Variants in OLA1 observed in about 807,000 individuals in gnomAD.
The protein encoded by OLA1 is Obg like ATPase 1.
A neutral mutation model predicts 48.4 loss-of-function variants in OLA1; 14 were observed. The ratio of observed to expected loss-of-function variants is 0.29; its 90% confidence interval spans 0.19 to 0.45. OLA1 has a LOEUF of 0.45. Ranked by LOEUF, OLA1 falls within the 20% of genes least tolerant of loss-of-function variation. The pLI, the probability that OLA1 is intolerant of heterozygous loss-of-function variation, is 1.00. For missense variants in OLA1, 325 were observed against 467.1 expected, an observed-to-expected ratio of 0.70 and a Z score of 2.80; for synonymous variants, 127 against 150.4, an observed-to-expected ratio of 0.84 and a Z score of 1.14.
At chr2:174,223,459 T>TGC (rs1688549186) in intron 3 of OLA1, among the ~76,000 whole-genome samples, 1 of 152,180 alleles carries the variant, frequency 6.6e-6, no homozygotes, top group Non-Finnish European at 1.5e-5. Context: ...TATTGGCACA[T>TGC]GCACACACAC....
chr2:174,231,513 TG>T (rs1162139487), intron 2 of OLA1, among the ~76,000 whole-genome samples: 1 of 152,214 alleles, frequency 6.6e-6, no homozygotes, highest in African/African-American at 2.4e-5. Flanking sequence ...GCGATTACTG[TG>T]TACAGTATTT....
In OLA1 at chr2:174,109,021, A is replaced by T. The variant is rs564247599; in HGVS notation, c.728+14159T>A. Among the ~76,000 whole-genome samples the T allele has an allele frequency of 1.3e-5, 2 of 152,180 alleles. 1 individual carries two copies. Among genetic ancestry groups the T allele is most frequent in the South Asian group, 4.1e-4 (2 of 4,834 alleles). On this transcript the variant is annotated intron_variant, in intron 7 of 10. Transcript: ENST00000284719. The stretch of plus-strand genomic sequence containing the variant: ...CCATCAGAAATGGCTTAGAGTATCA[A>T]ATAATTTCTATTTGTCAGGAACTAC...
chr2:174,218,273 C>T (rs932280023), intron 4 of OLA1, among the ~76,000 whole-genome samples: 1 of 151,936 alleles, frequency 6.6e-6, no homozygotes, highest in Non-Finnish European at 1.5e-5. Flanking sequence ...AAATAAGTGA[C>T]CCTCCGATAA....
intron 4 of OLA1, among the ~76,000 whole-genome samples, chr2:174,189,079 AAGC>A (rs368340306): frequency 1.3e-4 from 20 of 152,336 alleles, no homozygotes; most frequent in African/African-American, 4.8e-4. Context: ...CATATGATAA[AAGC>A]AGCTCAAATC....
chr2:174,140,148 C>T (rs1278723061), intron 5 of OLA1, among the ~76,000 whole-genome samples: 1 of 151,954 alleles, frequency 6.6e-6, no homozygotes, highest in Non-Finnish European at 1.5e-5. Flanking sequence ...CAGGAAGAAT[C>T]AACAACATTA....
At chr2:174,222,903 GA>G (rs1688538768) in intron 4 of OLA1, 129 bp downstream of exon 4, 1 of 961,000 alleles carries the variant, frequency 1.0e-6, no homozygotes, top group South Asian at 2.0e-5. Flanking sequence ...CAGATTTACA[GA>G]CAAACCCAAG....
At chr2:174,234,246 C>T (rs1274936480) in intron 2 of OLA1, among the ~76,000 whole-genome samples, 1 of 152,180 alleles carries the variant, frequency 6.6e-6, no homozygotes, top group Non-Finnish European at 1.5e-5. Context: ...ATTATTTTCT[C>T]TAGCTTAGTT....
At chr2:174,221,962 G>A (rs1688516056) in intron 4 of OLA1, among the ~76,000 whole-genome samples, 1 of 152,072 alleles carries the variant, frequency 6.6e-6, no homozygotes, top group South Asian at 2.1e-4. Flanking sequence ...ACTTCCCAGA[G>A]GTCTCACCAT....
intron 4 of OLA1, among the ~76,000 whole-genome samples, chr2:174,212,562 T>C (rs1262585707): frequency 2.0e-5 from 3 of 152,218 alleles, no homozygotes; most frequent in Non-Finnish European, 4.4e-5. Context: ...CTTTTTACTT[T>C]ATAAACTTTT....
At chr2:174,174,757 CT>C (rs201305068) in intron 4 of OLA1, among the ~76,000 whole-genome samples, 3 of 151,512 alleles carry the variant, frequency 2.0e-5, no homozygotes, top group Non-Finnish European at 4.4e-5. Context: ...TTCCAGCAAG[CT>C]TTTTTTTCAG....
chr2:174,175,416 A>T (rs1178000740), intron 4 of OLA1, among the ~76,000 whole-genome samples: 1 of 152,016 alleles, frequency 6.6e-6, no homozygotes, highest in Non-Finnish European at 1.5e-5. Flanking sequence ...TCCAATTAAA[A>T]ATGGACAAAA....
intron 4 of OLA1, among the ~76,000 whole-genome samples, chr2:174,154,352 C>T (rs913371298): frequency 6.6e-6 from 1 of 152,152 alleles, no homozygotes; most frequent in Non-Finnish European, 1.5e-5. Context: ...ACCCTTCAAA[C>T]CTTACCATCA....
chr2:174,174,976 GTTAT>G (rs1687388719), intron 4 of OLA1, among the ~76,000 whole-genome samples: 1 of 151,914 alleles, frequency 6.6e-6, no homozygotes, highest in Non-Finnish European at 1.5e-5. Context: ...CTCCTAAACA[GTTAT>G]TTGATTTTTG....
At chr2:174,229,487 G>A in intron 2 of OLA1, 36 bp from the exon 3 acceptor site, 1 of 1,535,482 alleles carries the variant, frequency 6.5e-7, no homozygotes, top group East Asian at 2.3e-5. Context: ...TCAATTCTTA[G>A]GTTAACACCA....
At chr2:174,117,356 A>G (rs74368248) in intron 7 of OLA1, among the ~76,000 whole-genome samples, 6,520 of 152,274 alleles carry the variant, frequency 0.043, 504 homozygotes, top group African/African-American at 0.15. Flanking sequence ...GCCAAGTTCA[A>G]AGAGCTACTT....
In OLA1 at chr2:174,075,264, G is replaced by GA. The variant is rs1010328017; in HGVS notation, c.*161_*162insT. The GA allele has an allele frequency of 3.8e-5, 20 of 521,602 alleles. No homozygotes were observed. Among genetic ancestry groups the GA allele is most frequent in the Non-Finnish European group, 5.1e-5 (15 of 293,382 alleles). 32.3% of individuals were successfully genotyped at this position (521,602 alleles called of 1,614,324 possible). A position where few individuals can be genotyped will look rare whatever the true frequency, so the allele number is the denominator to read the frequency against. ...GAACCTGCATTTCATGGGGGGGGGG[G>GA]GGTACACAGTATTTTAATTTTAAAA... On this transcript the variant is annotated 3_prime_UTR_variant, in exon 11 of 11. Coordinates refer to ENST00000284719, the MANE Select transcript of OLA1 (RefSeq NM_013341.5).
chr2:174,155,069 T>C (rs1048206406), intron 4 of OLA1, among the ~76,000 whole-genome samples: 1 of 152,196 alleles, frequency 6.6e-6, no homozygotes, highest in Admixed American at 6.5e-5. Flanking sequence ...CCATACCCTC[T>C]ATTTGAACTG....
At chr2:174,164,026 A>G (rs1574520973) in intron 4 of OLA1, among the ~76,000 whole-genome samples, 1 of 151,476 alleles carries the variant, frequency 6.6e-6, no homozygotes, top group African/African-American at 2.4e-5. Context: ...GGTTACCCCC[A>G]TTCTGTTCTT....
intron 4 of OLA1, among the ~76,000 whole-genome samples, chr2:174,213,671 G>A (rs767217199): frequency 6.6e-6 from 1 of 152,130 alleles, no homozygotes; most frequent in Non-Finnish European, 1.5e-5. Context: ...TTTCAGATAA[G>A]TTACTGTATG....
Sources: gnomAD v4.1 joint callset for allele counts (sites outside exome capture counted in the v4.1 genomes callset) on GRCh38, gnomAD v4.1.1 for gene constraint, MANE v1.5 for transcripts, NCBI Gene and HGNC (gene_info 2026-07-23, HGNC 2026-07-21) for gene names.